Variants in AP4E1 observed in about 807,000 individuals in gnomAD.
The protein encoded by AP4E1 is AP-4 complex subunit epsilon-1.
Under a neutral mutation model 128.2 loss-of-function variants are expected in AP4E1, and 56 were observed. The ratio of observed to expected loss-of-function variants is 0.44; its 90% CI spans 0.35 to 0.55. The LOEUF is 0.55. AP4E1 is among the 20% of genes least tolerant of loss of function. AP4E1 has a pLI of 0.00. For synonymous variants in AP4E1, 484 were observed against 473.1 expected, an observed-to-expected ratio of 1.02 and a Z score of -0.30; for missense variants, 1,324 against 1,307.7, an observed-to-expected ratio of 1.01 and a Z score of -0.19.
rs898558625 is a variant in AP4E1, at chr15:50,908,705, G to T, written c.-74G>T. On this transcript the variant is annotated 5_prime_UTR_variant, in exon 1 of 21. Coordinates refer to ENST00000261842, the MANE Select transcript of AP4E1 (RefSeq NM_007347.5). ...GGAAGTGCCTACGGAGGCCGGGCCG[G>T]CAGCGGCGGCCGGGCATGAAGCCGG... is the stretch of plus-strand genomic sequence containing the variant. 1.2e-4 allele frequency: 165 copies of T among 1,391,324 alleles called. No homozygotes were observed. The Middle Eastern group carries it at 1.4e-3, about 12-fold the overall frequency. The allele number at this position is 1,391,324 out of a possible 1,614,324, so 86.2% of individuals were successfully genotyped here.
intron 14 of AP4E1, among the ~76,000 whole-genome samples, chr15:50,959,867 A>G (rs2064286108): frequency 6.6e-6 from 1 of 152,210 alleles, no homozygotes. Flanking sequence ...AGATCCAGCT[A>G]TATGCTGCCT....
At chr15:50,945,322 A>T in intron 10 of AP4E1, 1 of 780,780 alleles carries the variant, frequency 1.3e-6, no homozygotes, top group Non-Finnish European at 2.4e-6. Flanking sequence ...TGACAGGAAT[A>T]TAGTACTGTA....
chr15:51,005,140 C>G lies in AP4E1; in HGVS notation c.*2478C>G, dbSNP rs1595589837. 6.6e-6 allele frequency: 1 copy of G among 152,400 alleles called. No individual in the cohort carries two copies. Among genetic ancestry groups the G allele is most frequent in the East Asian group, 1.9e-4 (1 of 5,188 alleles). The allele number at this position is 152,400 out of a possible 1,614,324, so 9.4% of individuals were successfully genotyped here. A position where few individuals can be genotyped will look rare whatever the true frequency, so the allele number is the denominator to read the frequency against. On this transcript the variant is annotated 3_prime_UTR_variant, in exon 21 of 21. Coordinates refer to ENST00000261842, the MANE Select transcript of AP4E1 (RefSeq NM_007347.5). ...ACCTCAGGTGATCTGCCCGCCTCAG[C>G]CTCCCAAAGTGCTGGGATTACAGGC...
chr15:51,004,742 A>G lies in AP4E1; in HGVS notation c.*2080A>G, dbSNP rs932656059. ...CACTTTTTATATTTTTATGATTTTA[A>G]AAACAAACAATAATAGAAAAACAGA... On this transcript the variant is annotated 3_prime_UTR_variant, in exon 21 of 21. Transcript: ENST00000261842. 2.0e-5 allele frequency: 3 copies of G among 152,650 alleles called. No homozygotes were observed. Among genetic ancestry groups the G allele is most frequent in the Non-Finnish European group, 2.9e-5 (2 of 68,048 alleles). 9.5% of individuals were successfully genotyped at this position (152,650 alleles called of 1,614,324 possible).
intron 15 of AP4E1, among the ~76,000 whole-genome samples, chr15:50,982,086 CAAAAAA>C (rs55717107): frequency 5.1e-4 from 25 of 49,284 alleles, no homozygotes; most frequent in Admixed American, 1.3e-3. Context: ...ACTCCCATCT[CAAAAAA>C]AAAAAAAAAA....
At chr15:50,927,042 T>G (rs577506452) in intron 5 of AP4E1, among the ~76,000 whole-genome samples, 2 of 152,366 alleles carry the variant, frequency 1.3e-5, no homozygotes, top group East Asian at 3.9e-4. Flanking sequence ...TTATGGACAA[T>G]TAATTATTGG....
intron 4 of AP4E1, 32 bp downstream of exon 4, chr15:50,924,036 C>T: frequency 6.5e-7 from 1 of 1,542,098 alleles, no homozygotes; most frequent in Non-Finnish European, 9.0e-7. Flanking sequence ...AATATGAAGT[C>T]ATAATTCTTG....
At chr15:50,967,674 C>T (rs1216374251) in intron 14 of AP4E1, among the ~76,000 whole-genome samples, 1 of 152,056 alleles carries the variant, frequency 6.6e-6, no homozygotes, top group African/African-American at 2.4e-5. Flanking sequence ...AACAGGATGC[C>T]GTAACATATT....
In AP4E1 at chr15:50,999,327, C is replaced by G. The variant is rs910935827; in HGVS notation, c.3095+65C>G. 5 of 1,390,714 alleles carry G rather than the reference C, an allele frequency of 3.6e-6. No homozygotes were observed. The African/African-American group carries it at 5.7e-5, about 16-fold the overall frequency. The allele number at this position is 1,390,714 out of a possible 1,614,324, so 86.1% of individuals were successfully genotyped here. A position where few individuals can be genotyped will look rare whatever the true frequency, so the allele number is the denominator to read the frequency against. On this transcript the variant is annotated intron_variant, in intron 19 of 20. Coordinates refer to ENST00000261842, the MANE Select transcript of AP4E1 (RefSeq NM_007347.5). ...ACCAACTATTTTTTAGACCTCTTCT[C>G]TGGATGGAGGCACTATGTTGGGTGC...
intron 16 of AP4E1, 152 bp from the exon 17 acceptor site, chr15:50,993,218 A>C: frequency 1.9e-5 from 15 of 774,618 alleles, no homozygotes; most frequent in Non-Finnish European, 2.3e-5. Context: ...AATAAAATCT[A>C]GAGATCAAGG....
rs116176568 is a variant in AP4E1 at position 50,937,284 on chromosome 15, T to C, written c.943+2587T>C. Among the ~76,000 whole-genome samples, 677 of 152,320 alleles carry C rather than the reference T, an allele frequency of 4.4e-3. 5 individuals are homozygous for C. Among genetic ancestry groups the C allele is most frequent in the African/African-American group, 0.015 (633 of 41,566 alleles). On this transcript the variant is annotated intron_variant, in intron 8 of 20. Transcript: ENST00000261842. ...TGTGTTAATGAGTAATATGCTTTAA[T>C]TGAATTAAAGGAAGAAGAAGTTATT...
intron 14 of AP4E1, among the ~76,000 whole-genome samples, chr15:50,965,907 G>A (rs567129382): frequency 3.3e-5 from 5 of 152,066 alleles, no homozygotes; most frequent in African/African-American, 1.2e-4. Context: ...TCCCTCAGGT[G>A]TAAATTAGAA....
chr15:50,989,597 G>C (rs1365883895), intron 16 of AP4E1, among the ~76,000 whole-genome samples: 1 of 151,920 alleles, frequency 6.6e-6, no homozygotes, highest in African/African-American at 2.4e-5. Flanking sequence ...TGATGATGGA[G>C]GTGACAGCAA....
intron 14 of AP4E1, among the ~76,000 whole-genome samples, chr15:50,966,065 G>T (rs182463491): frequency 2.0e-5 from 3 of 151,910 alleles, no homozygotes; most frequent in Admixed American, 2.0e-4. Flanking sequence ...CTACAGGTGC[G>T]CGCCACCACG....
Position 50,958,553 on chromosome 15 carries a change from TCTA to T in AP4E1, c.1612_1614del (p.Tyr538del). 1 of 1,614,032 alleles carries T rather than the reference TCTA, an allele frequency of 6.2e-7. No individual in the cohort carries two copies. The highest frequency in any genetic ancestry group is 8.5e-7 in the Non-Finnish European group (1 of 1,179,986). ...ACGCCAGAGGAAGTTATAGCTAAGC[TCTA>T]CAAGTTACTTATGAATGACTCTGTG... On this transcript the variant is annotated inframe_deletion, in exon 14 of 21. Transcript: ENST00000261842.
At chr15:50,986,969 A>G (rs1201349666) in intron 16 of AP4E1, among the ~76,000 whole-genome samples, 2 of 152,210 alleles carry the variant, frequency 1.3e-5, no homozygotes, top group Non-Finnish European at 2.9e-5. Flanking sequence ...GCTATTAATT[A>G]TTGCCTCAAT....
chr15:50,985,101 GTCT>G (rs1441090988), intron 16 of AP4E1, among the ~76,000 whole-genome samples: 38 of 152,260 alleles, frequency 2.5e-4, no homozygotes, highest in Middle Eastern at 3.4e-3. Flanking sequence ...CTGCATAAAT[GTCT>G]TCTTTTGAGA....
intron 16 of AP4E1, among the ~76,000 whole-genome samples, chr15:50,990,717 C>T (rs2064794686): frequency 6.6e-6 from 1 of 152,008 alleles, no homozygotes; most frequent in Non-Finnish European, 1.5e-5. Context: ...TGTATGTATG[C>T]TTAACAGAAT....
In AP4E1 at chr15:51,004,439, C is replaced by T. The variant is rs2064998424; in HGVS notation, c.*1777C>T. 1 of 152,176 alleles carries T rather than the reference C, an allele frequency of 6.6e-6. No homozygotes were observed. Among genetic ancestry groups the T allele is most frequent in the Admixed American group, 6.5e-5 (1 of 15,270 alleles). The allele number at this position is 152,176 out of a possible 1,614,324, so 9.4% of individuals were successfully genotyped here. On this transcript the variant is annotated 3_prime_UTR_variant, in exon 21 of 21. Transcript: ENST00000261842. Reference sequence around the variant, plus strand: ...TACTGAGGCTAGGTCGAGTGTGAAGCAATAGGTGTAAGATGCTGAGAGCAC... The same window carrying T: ...TACTGAGGCTAGGTCGAGTGTGAAGTAATAGGTGTAAGATGCTGAGAGCAC...
Sources: allele counts gnomAD v4.1 joint callset (sites outside exome capture counted in the v4.1 genomes callset), GRCh38; gene constraint gnomAD v4.1.1; transcripts MANE v1.5; gene names NCBI Gene and HGNC (gene_info 2026-07-23, HGNC 2026-07-21).